Variants in NSUN3 observed in about 807,000 individuals in gnomAD.
NSUN3 encodes the protein NOP2/Sun RNA methyltransferase 3, also known as tRNA (cytosine(34)-C(5))-methyltransferase, mitochondrial.
A neutral mutation model predicts 36.8 loss-of-function variants in NSUN3; 24 were observed. That is an observed-to-expected ratio of 0.65 (90% CI 0.47 to 0.92). The LOEUF is 0.92. NSUN3 is among the 40% of genes least tolerant of loss of function. The pLI, the probability that NSUN3 is intolerant of heterozygous loss-of-function variation, is 0.00. For synonymous variants in NSUN3, 146 were observed against 145.2 expected (o/e 1.01, Z -0.04); for missense variants, 381 against 392.8 (o/e 0.97, Z 0.25).
intron 5 of NSUN3, among the ~76,000 whole-genome samples, chr3:94,118,529 G>A (rs1438434659): frequency 6.6e-6 from 1 of 151,972 alleles, no homozygotes. Flanking sequence ...ATAGTTAGTG[G>A]TTAGCACAAA....
chr3:94,105,735 TA>T (rs2077386118), intron 5 of NSUN3, among the ~76,000 whole-genome samples: 1 of 151,906 alleles, frequency 6.6e-6, no homozygotes, highest in Non-Finnish European at 1.5e-5. Context: ...AGTTTCTTCT[TA>T]ACACACACAC....
At position 94,094,275 on chromosome 3, in the gene NSUN3, A is replaced by G; in HGVS notation, c.602A>G (p.Gln201Arg). The G allele has an allele frequency of 6.2e-7, 1 of 1,612,692 alleles. No individual in the cohort carries two copies. The highest frequency in any genetic ancestry group is 8.5e-7 in the Non-Finnish European group (1 of 1,179,618). ...GATGGCAGAAAAATGGGAGATGCCCAGCCTGAAATGTTTGACAAGGTACTT... is the reference window on the plus strand; with the variant it reads ...GATGGCAGAAAAATGGGAGATGCCCGGCCTGAAATGTTTGACAAGGTACTT... ...ELDGRKMGDA[Q>R]PEMFDKVLVD... Residue 201 changes from glutamine to arginine, a missense_variant, in exon 4 of 6, where the codon CAG becomes CGG. Transcript: ENST00000314622.
chr3:94,081,853 G>C (rs1293667439), intron 2 of NSUN3: 2 of 152,072 alleles, frequency 1.3e-5, no homozygotes, highest in Non-Finnish European at 2.9e-5. Flanking sequence ...ATAATCCTAG[G>C]CAAGGTTACT....
At position 94,098,046 on chromosome 3, in the gene NSUN3, G is replaced by GGAGA. The variant is rs996550669; in HGVS notation, c.743+2893_743+2896dup. Among the ~76,000 whole-genome samples the GGAGA allele has an allele frequency of 7.6e-4, 115 of 152,088 alleles. 1 individual carries two copies. Among genetic ancestry groups the GGAGA allele is most frequent in the African/African-American group, 2.7e-3 (113 of 41,476 alleles). On this transcript the variant is annotated intron_variant, in intron 5 of 5. Transcript: ENST00000314622. ...AAAATCATAATTTCTAATTCTCTTAGGAGAATCTTCACCAAATCGACAAAA... is the reference window on the plus strand; with the variant it reads ...AAAATCATAATTTCTAATTCTCTTAGGAGAGAGAATCTTCACCAAATCGACAAAA...
chr3:94,088,559 A>G (rs901738109), intron 3 of NSUN3, among the ~76,000 whole-genome samples: 2 of 151,920 alleles, frequency 1.3e-5, no homozygotes, highest in African/African-American at 4.8e-5. Context: ...TCTGAACTCA[A>G]GTTTTCATTG....
chr3:94,100,117 A>G (rs1359844389), intron 5 of NSUN3, among the ~76,000 whole-genome samples: 1 of 152,224 alleles, frequency 6.6e-6, no homozygotes, highest in African/African-American at 2.4e-5. Flanking sequence ...GTCTGGCCCC[A>G]TATTTTGAGC....
intron 5 of NSUN3, among the ~76,000 whole-genome samples, chr3:94,102,858 C>A (rs1192012849): frequency 6.6e-6 from 1 of 151,722 alleles, no homozygotes; most frequent in East Asian, 1.9e-4. Flanking sequence ...AATTTATTTA[C>A]ATTATCTACT....
chr3:94,080,863 T>C (rs776356126), intron 2 of NSUN3, among the ~76,000 whole-genome samples: 2 of 152,168 alleles, frequency 1.3e-5, no homozygotes, highest in Non-Finnish European at 2.9e-5. Flanking sequence ...TGGGACCTGC[T>C]GAGCAAGACC....
intron 2 of NSUN3, among the ~76,000 whole-genome samples, chr3:94,064,791 A>T (rs2077197072): frequency 6.6e-6 from 1 of 152,222 alleles, no homozygotes; most frequent in Non-Finnish European, 1.5e-5. Context: ...TTGAGCAATT[A>T]CTTTGATCCT....
At chr3:94,073,750 G>T (rs2077235368) in intron 2 of NSUN3, among the ~76,000 whole-genome samples, 1 of 152,116 alleles carries the variant, frequency 6.6e-6, no homozygotes, top group Non-Finnish European at 1.5e-5. Context: ...TCTGTAGGTT[G>T]CCTGTTCACT....
chr3:94,085,860 A>G (rs1435286387), intron 3 of NSUN3, among the ~76,000 whole-genome samples: 2 of 152,166 alleles, frequency 1.3e-5, no homozygotes, highest in Non-Finnish European at 2.9e-5. Context: ...TTAAAGATCT[A>G]TTAGGTAAGC....
At chr3:94,068,369 T>C (rs1002871825) in intron 2 of NSUN3, among the ~76,000 whole-genome samples, 1 of 152,204 alleles carries the variant, frequency 6.6e-6, no homozygotes, top group Non-Finnish European at 1.5e-5. Context: ...ATAGAGCTAT[T>C]GTGATTCTTT....
At chr3:94,065,715 C>T (rs7653521) in intron 2 of NSUN3, among the ~76,000 whole-genome samples, 101,833 of 152,046 alleles carry the variant, frequency 0.67, 36,077 homozygotes, top group African/African-American at 0.92. Flanking sequence ...ACCGTTTATA[C>T]TCGTGGGTTT....
At chr3:94,080,674 C>G (rs1357788777) in intron 2 of NSUN3, among the ~76,000 whole-genome samples, 1 of 152,220 alleles carries the variant, frequency 6.6e-6, no homozygotes, top group African/African-American at 2.4e-5. Context: ...CCGCCCAGTT[C>G]AAACTTCCTG....
intron 1 of NSUN3, chr3:94,064,063 T>A (rs1369100294): frequency 6.0e-6 from 1 of 167,172 alleles, no homozygotes; most frequent in East Asian, 1.7e-4. Flanking sequence ...GCCAACCTGG[T>A]CTTGAACTCC....
intron 5 of NSUN3, among the ~76,000 whole-genome samples, chr3:94,102,798 A>C (rs2077371349): frequency 6.6e-6 from 1 of 152,188 alleles, no homozygotes; most frequent in African/African-American, 2.4e-5. Flanking sequence ...TCAAATATAT[A>C]TTGACAATAT....
At chr3:94,126,059 C>CA (rs879420714) in intron 5 of NSUN3, 152 bp from the exon 6 acceptor site, 40,891 of 494,716 alleles carry the variant, frequency 0.083, no homozygotes, top group East Asian at 0.097. Context: ...GACTCTGTCT[C>CA]AAAAAAAAAA....
Position 94,130,658 on chromosome 3 carries a change from A to G in NSUN3, c.*4168A>G, listed in dbSNP as rs1382489599. 6.6e-6 allele frequency among the ~76,000 whole-genome samples: 1 copy of G among 152,144 alleles called. No individual in the cohort carries two copies. Among genetic ancestry groups the G allele is most frequent in the Non-Finnish European group, 1.5e-5 (1 of 68,002 alleles). ...ATCCCCATCCCAGGGGAGAACGTGA[A>G]TGTTCCAAGGGACTTCGGCCTCTGG... On this transcript the variant is annotated 3_prime_UTR_variant, in exon 6 of 6. Coordinates refer to ENST00000314622, the MANE Select transcript of NSUN3 (RefSeq NM_022072.5).
intron 1 of NSUN3, 139 bp from the exon 2 acceptor site, chr3:94,064,298 G>A (rs554283006): frequency 1.6e-6 from 1 of 618,020 alleles, no homozygotes; most frequent in African/African-American, 1.8e-5. Flanking sequence ...TTTGGTACAT[G>A]TAAGGTATTG....
Sources: gnomAD v4.1 joint callset for allele counts (sites outside exome capture counted in the v4.1 genomes callset) on GRCh38, gnomAD v4.1.1 for gene constraint, MANE v1.5 for transcripts, NCBI Gene and HGNC (gene_info 2026-07-23, HGNC 2026-07-21) for gene names.